COL5A2: variants seen among roughly 807,000 people sequenced by gnomAD.
The protein encoded by COL5A2 is collagen type V alpha 2 chain, also known as collagen alpha-2(V) chain.
In COL5A2, 23 loss-of-function variants were observed where a neutral mutation model predicts 208.2. The ratio of observed to expected loss-of-function variants is 0.11; its 90% CI spans 0.08 to 0.16. The LOEUF (loss-of-function observed/expected upper bound fraction) is 0.16. COL5A2 is among the 10% of genes least tolerant of loss of function. The pLI is 1.00. For synonymous variants in COL5A2, 625 were observed against 628.5 expected (o/e 0.99, Z 0.08); for missense variants, 1,590 against 1,956.4 (o/e 0.81, Z 3.53).
chr2:189,432,897 C>T, the COL5A2 span, among the ~76,000 whole-genome samples: 1 of 152,150 alleles, frequency 6.6e-6, no homozygotes, highest in Non-Finnish European at 1.5e-5. Flanking sequence ...TGCGCCACAT[C>T]GCCCTCATTC....
chr2:189,181,683 A>G (rs1207702845), upstream of COL5A2, among the ~76,000 whole-genome samples: 1 of 152,204 alleles, frequency 6.6e-6, no homozygotes, highest in African/African-American at 2.4e-5. Context: ...CTCAGATCCT[A>G]TGCTGGAGAT....
intron 1 of COL5A2, among the ~76,000 whole-genome samples, chr2:189,175,370 G>A (rs1688655820): frequency 6.6e-6 from 1 of 151,818 alleles, no homozygotes; most frequent in African/African-American, 2.4e-5. Flanking sequence ...ACACGCAATG[G>A]CTGGAGCTTC....
At chr2:189,372,242 G>T in the COL5A2 span, among the ~76,000 whole-genome samples, 4 of 152,156 alleles carry the variant, frequency 2.6e-5, no homozygotes, top group African/African-American at 9.7e-5. Context: ...AAAACACTTA[G>T]AACAGAGACA....
the COL5A2 span, among the ~76,000 whole-genome samples, chr2:189,422,036 G>A: frequency 6.6e-6 from 1 of 152,080 alleles, no homozygotes; most frequent in Non-Finnish European, 1.5e-5. Flanking sequence ...CTATTGGAAG[G>A]CATTCTTAGA....
chr2:189,423,719 A>C, the COL5A2 span, among the ~76,000 whole-genome samples: 3 of 152,198 alleles, frequency 2.0e-5, no homozygotes, highest in Non-Finnish European at 4.4e-5. Context: ...TGAATTTGTA[A>C]TAAAATGTCA....
chr2:189,066,883 T>A (rs1686164289), intron 21 of COL5A2, 101 bp from the exon 22 acceptor site: 5 of 924,446 alleles, frequency 5.4e-6, no homozygotes, highest in Non-Finnish European at 9.0e-6. Flanking sequence ...TCTCTCCAGC[T>A]GAGTCGGTTT....
the COL5A2 span, among the ~76,000 whole-genome samples, chr2:189,419,419 T>C: frequency 6.6e-6 from 1 of 152,172 alleles, no homozygotes; most frequent in East Asian, 1.9e-4. Flanking sequence ...TTCATCACAA[T>C]ATTACAAAAC....
At chr2:189,342,462 T>G in the COL5A2 span, among the ~76,000 whole-genome samples, 4 of 148,306 alleles carry the variant, frequency 2.7e-5, no homozygotes, top group African/African-American at 7.3e-5. Flanking sequence ...GCTTATATAT[T>G]TATGCTTCTA....
At position 189,087,340 on chromosome 2, in the gene COL5A2, C is replaced by A. The variant is rs180888965; in HGVS notation, c.646-570G>T. On this transcript the variant is annotated intron_variant, in intron 8 of 53. Coordinates refer to ENST00000374866, the MANE Select transcript of COL5A2 (RefSeq NM_000393.5). ...TTCCTCATTTAAACATGAAATCGTT[C>A]CACTGAGGCATAACAAAAGGAAGAA... 3.8e-3 allele frequency among the ~76,000 whole-genome samples: 572 copies of A among 152,090 alleles called. 5 individuals are homozygous for A. Among genetic ancestry groups the A allele is most frequent in the African/African-American group, 0.013 (545 of 41,498 alleles).
chr2:189,380,578 TATAG>T, the COL5A2 span, among the ~76,000 whole-genome samples: 4,299 of 151,874 alleles, frequency 0.028, 99 homozygotes, highest in South Asian at 0.05. Flanking sequence ...AAGTAATTAA[TATAG>T]ATATAGTTAT....
At chr2:189,191,461 T>G (rs1198271143) in intron 1 of COL5A2, among the ~76,000 whole-genome samples, 1 of 151,944 alleles carries the variant, frequency 6.6e-6, no homozygotes, top group Non-Finnish European at 1.5e-5. Flanking sequence ...GCCAACATGT[T>G]GAAACCCCAT....
At chr2:189,326,113 A>AAAG in the COL5A2 span, among the ~76,000 whole-genome samples, 2 of 151,252 alleles carry the variant, frequency 1.3e-5, no homozygotes, top group African/African-American at 4.9e-5. Flanking sequence ...AAAAAAAAAA[A>AAAG]AAGAAGAAGA....
At chr2:189,088,555 A>G in intron 8 of COL5A2, 140 bp downstream of exon 8, 1 of 650,784 alleles carries the variant, frequency 1.5e-6, no homozygotes, top group Non-Finnish European at 2.7e-6. Context: ...TAAATAAGTT[A>G]ATTAAATGAA....
chr2:189,397,573 A>T, the COL5A2 span, among the ~76,000 whole-genome samples: 4 of 151,822 alleles, frequency 2.6e-5, no homozygotes, highest in East Asian at 7.8e-4. Flanking sequence ...TTTAAGAAAA[A>T]TTTTCATCTA....
intron 1 of COL5A2, among the ~76,000 whole-genome samples, chr2:189,123,041 C>T (rs1210587098): frequency 1.3e-5 from 2 of 152,014 alleles, no homozygotes; most frequent in African/African-American, 2.4e-5. Context: ...CTTGGCTCAC[C>T]GCAACCTTCG....
rs545869158 is a variant in COL5A2 at position 189,119,955 on chromosome 2, T to G, written c.98-9506A>C. Among the ~76,000 whole-genome samples, 6 of 152,204 alleles carry G rather than the reference T, an allele frequency of 3.9e-5. No individual in the cohort carries two copies. In the South Asian group the frequency reaches 8.3e-4, roughly 21 times the overall value. On this transcript the variant is annotated intron_variant, in intron 1 of 53. Transcript: ENST00000374866. ...ATAGAAAAAGATAAAACATGAGCCTTTACTTTTGCAGATAAGAAATATTTA... is the reference window on the plus strand; with the variant it reads ...ATAGAAAAAGATAAAACATGAGCCTGTACTTTTGCAGATAAGAAATATTTA...
the COL5A2 span, among the ~76,000 whole-genome samples, chr2:189,271,257 G>C: frequency 6.6e-6 from 1 of 151,868 alleles, no homozygotes; most frequent in Non-Finnish European, 1.5e-5. Context: ...ACTTCAAACT[G>C]TACTACAAGA....
Position 189,035,385 on chromosome 2 carries a change from CAAT to C in COL5A2, c.4114-233_4114-231del, listed in dbSNP as rs1379126186. ...TTATTAACCCAAAGGGTAATGAAAC[CAAT>C]AATAACAATAATTCACGAGAACAAG... is the stretch of plus-strand genomic sequence containing the variant. On this transcript the variant is annotated intron_variant, in intron 52 of 53. Coordinates refer to ENST00000374866, the MANE Select transcript of COL5A2 (RefSeq NM_000393.5). 2.6e-5 allele frequency among the ~76,000 whole-genome samples: 4 copies of C among 151,848 alleles called. No individual in the cohort carries two copies. In the East Asian group the frequency reaches 7.7e-4, roughly 29 times the overall value.
chr2:189,419,931 G>A, the COL5A2 span, among the ~76,000 whole-genome samples: 1 of 146,144 alleles, frequency 6.8e-6, no homozygotes, highest in Non-Finnish European at 1.5e-5. Flanking sequence ...GGAGAGGGGA[G>A]GAGAGGAAAG....
Sources: allele counts gnomAD v4.1 joint callset (sites outside exome capture counted in the v4.1 genomes callset), GRCh38; gene constraint gnomAD v4.1.1; transcripts MANE v1.5; gene names NCBI Gene and HGNC (gene_info 2026-07-23, HGNC 2026-07-21).